TMEM131: variants seen among roughly 807,000 people sequenced by gnomAD.
TMEM131 encodes the protein transmembrane protein 131.
Under a neutral mutation model 211.6 loss-of-function variants are expected in TMEM131, and 66 were observed. The observed-to-expected ratio is 0.31, with a 90% CI of 0.26 to 0.38. The LOEUF is 0.38. TMEM131 is among the 10% of genes least tolerant of loss of function. TMEM131 has a pLI of 1.00. For synonymous variants in TMEM131, 844 were observed against 841.3 expected, an observed-to-expected ratio of 1.00 and a Z score of -0.06; for missense variants, 2,036 against 2,299.3, an observed-to-expected ratio of 0.89 and a Z score of 2.34.
chr2:97,883,946 T>C (rs562734062), intron 4 of TMEM131, among the ~76,000 whole-genome samples: 6 of 152,322 alleles, frequency 3.9e-5, no homozygotes, highest in African/African-American at 1.4e-4. Context: ...TTGATCTTAC[T>C]TATTTCCTTC....
intron 4 of TMEM131, among the ~76,000 whole-genome samples, chr2:97,880,205 C>T (rs1258585927): frequency 6.6e-6 from 1 of 152,030 alleles, no homozygotes; most frequent in Admixed American, 6.6e-5. Flanking sequence ...AAGATCAGTG[C>T]TTTCAGGAAA....
intron 3 of TMEM131, among the ~76,000 whole-genome samples, chr2:97,893,265 C>T (rs922339825): frequency 1.3e-5 from 2 of 152,140 alleles, no homozygotes; most frequent in Non-Finnish European, 2.9e-5. Flanking sequence ...TGTATATGTG[C>T]CACATTTTCT....
chr2:97,964,947 C>A (rs543021992), intron 1 of TMEM131, among the ~76,000 whole-genome samples: 82 of 152,224 alleles, frequency 5.4e-4, no homozygotes, highest in African/African-American at 1.9e-3. Context: ...TCTAGGGTGC[C>A]AGATGAGTTG....
chr2:97,959,853 G>C (rs1678740620), intron 1 of TMEM131, among the ~76,000 whole-genome samples: 1 of 151,804 alleles, frequency 6.6e-6, no homozygotes, highest in African/African-American at 2.4e-5. Flanking sequence ...TGTCACTTTA[G>C]TCTCCTTTAA....
rs573686094 is a variant in TMEM131, at chr2:97,873,655, G to A, written c.360-14228C>T. On this transcript the variant is annotated intron_variant, in intron 4 of 40. Coordinates refer to ENST00000186436, the MANE Select transcript of TMEM131 (RefSeq NM_015348.2). ...AAACTCCAGCAGACCAGCAGCAGAG[G>A]AGCCTGTCAGAAGGAAAACTAACAG... is the stretch of plus-strand genomic sequence containing the variant. 2.0e-4 allele frequency among the ~76,000 whole-genome samples: 31 copies of A among 152,338 alleles called. No homozygotes were observed. In the East Asian group the frequency reaches 5.2e-3, roughly 26 times the overall value.
chr2:97,898,672 G>A (rs1675719862), intron 3 of TMEM131, among the ~76,000 whole-genome samples: 1 of 152,086 alleles, frequency 6.6e-6, no homozygotes, highest in African/African-American at 2.4e-5. Context: ...GAAAATAAAT[G>A]TCTATTGTTT....
intron 1 of TMEM131, among the ~76,000 whole-genome samples, chr2:97,964,461 T>A (rs1678957128): frequency 6.6e-6 from 1 of 152,252 alleles, no homozygotes; most frequent in African/African-American, 2.4e-5. Flanking sequence ...ATGTTTTCCA[T>A]AATTTCTTTA....
intron 1 of TMEM131, among the ~76,000 whole-genome samples, chr2:97,930,595 C>T (rs1677178467): frequency 7.4e-6 from 1 of 134,478 alleles, no homozygotes; most frequent in Non-Finnish European, 1.7e-5. Context: ...TGGCATAAAA[C>T]AAATTAACGT....
chr2:97,917,991 G>T (rs984614006), intron 2 of TMEM131, among the ~76,000 whole-genome samples: 1 of 151,396 alleles, frequency 6.6e-6, no homozygotes, highest in Non-Finnish European at 1.5e-5. Context: ...CTGTCACTGA[G>T]GCTGGAGTGC....
At chr2:97,781,022 C>T (rs193154326) in intron 31 of TMEM131, among the ~76,000 whole-genome samples, 48 of 152,278 alleles carry the variant, frequency 3.2e-4, no homozygotes, top group Admixed American at 1.9e-3. Context: ...TTGCCTGCTC[C>T]CACGATCTCC....
chr2:97,797,239 G>T, intron 26 of TMEM131, 126 bp downstream of exon 26: 3 of 968,756 alleles, frequency 3.1e-6, no homozygotes, highest in South Asian at 3.3e-5. Context: ...CATGGAGTGT[G>T]TGCATGTTTT....
chr2:97,863,929 G>A (rs763389776), intron 4 of TMEM131, among the ~76,000 whole-genome samples: 4 of 152,138 alleles, frequency 2.6e-5, no homozygotes, highest in Non-Finnish European at 5.9e-5. Context: ...GTACTCCCAT[G>A]TTTATTACAG....
At position 97,766,217 on chromosome 2, in the gene TMEM131, G is replaced by A. The variant is rs557351417; in HGVS notation, c.4620C>T (p.Phe1540=). Residue 1540 remains phenylalanine, a synonymous_variant, in exon 35 of 41, where the codon TTC becomes TTT. Transcript: ENST00000186436. The part of the protein sequence containing the change: ...VDNRPPALAK[F]LPNSQELGNT... ...TGCCTAATTCTTGACTATTCGGGAG[G>A]AATTTTGCTAGGGCAGGTGGTCTGT... 4 of 1,614,034 alleles carry A rather than the reference G, an allele frequency of 2.5e-6. No homozygotes were observed. In the South Asian group the frequency reaches 4.4e-5, roughly 18 times the overall value.
intron 4 of TMEM131, among the ~76,000 whole-genome samples, chr2:97,871,298 T>C (rs1674479707): frequency 6.6e-6 from 1 of 152,216 alleles, no homozygotes; most frequent in Admixed American, 6.5e-5. Context: ...AAGCTGTCCT[T>C]TGTCATTTCT....
At chr2:97,957,870 C>T (rs1678642442) in intron 1 of TMEM131, among the ~76,000 whole-genome samples, 1 of 152,116 alleles carries the variant, frequency 6.6e-6, no homozygotes, top group Non-Finnish European at 1.5e-5. Context: ...AAAGCTACTG[C>T]ACATAACCAC....
chr2:97,854,630 A>AC (rs1263111699), intron 5 of TMEM131, among the ~76,000 whole-genome samples: 1 of 152,178 alleles, frequency 6.6e-6, no homozygotes, highest in Non-Finnish European at 1.5e-5. Flanking sequence ...ATGGCTTTCC[A>AC]CATCATTCAG....
At chr2:97,943,143 G>A (rs542413557) in intron 1 of TMEM131, among the ~76,000 whole-genome samples, 5 of 152,012 alleles carry the variant, frequency 3.3e-5, no homozygotes, top group Non-Finnish European at 7.4e-5. Flanking sequence ...CACTACTCAG[G>A]AGGCTGAGGC....
intron 31 of TMEM131, among the ~76,000 whole-genome samples, chr2:97,780,695 G>A (rs369030365): frequency 3.9e-5 from 6 of 151,916 alleles, no homozygotes; most frequent in African/African-American, 1.5e-4. Context: ...GAATTCAGAG[G>A]GAGACTGTCC....
At chr2:97,906,548 G>C (rs1181002867) in intron 3 of TMEM131, among the ~76,000 whole-genome samples, 1 of 152,172 alleles carries the variant, frequency 6.6e-6, no homozygotes, top group African/African-American at 2.4e-5. Context: ...GCAGATTAAG[G>C]TGATACAGCT....
Sources: allele counts gnomAD v4.1 joint callset (sites outside exome capture counted in the v4.1 genomes callset), GRCh38; gene constraint gnomAD v4.1.1; transcripts MANE v1.5; gene names NCBI Gene and HGNC (gene_info 2026-07-23, HGNC 2026-07-21).